The following PIK3C2G variants were observed in gnomAD, a reference collection of about 807,000 sequenced individuals.
The protein encoded by PIK3C2G is phosphatidylinositol 3-kinase C2 domain-containing subunit gamma.
In PIK3C2G, 168 loss-of-function variants were observed where a neutral mutation model predicts 181.1. That is an observed-to-expected ratio of 0.93 (90% CI 0.82 to 1.05). PIK3C2G has a LOEUF of 1.05. Ranked by LOEUF, PIK3C2G falls within the 50% of genes least tolerant of loss-of-function variation. The pLI, the probability that PIK3C2G is intolerant of heterozygous loss-of-function variation, is 0.00. For synonymous variants in PIK3C2G, 573 were observed against 592.2 expected (o/e 0.97, Z 0.47); for missense variants, 1,869 against 1,732.8 (o/e 1.08, Z -1.40).
intron 18 of PIK3C2G, among the ~76,000 whole-genome samples, chr12:18,451,541 C>G (rs1947361532): frequency 6.6e-6 from 1 of 152,176 alleles, no homozygotes; most frequent in Non-Finnish European, 1.5e-5. Flanking sequence ...TTGACTTCCT[C>G]TCTTCCTATT....
At chr12:18,628,595 A>T (rs909102166) in intron 31 of PIK3C2G, among the ~76,000 whole-genome samples, 1 of 152,218 alleles carries the variant, frequency 6.6e-6, no homozygotes, top group Non-Finnish European at 1.5e-5. Context: ...AATTACTAAT[A>T]TGCATCATAG....
chr12:18,268,241 G>A (rs533929444), intron 1 of PIK3C2G, among the ~76,000 whole-genome samples: 4 of 152,192 alleles, frequency 2.6e-5, no homozygotes, highest in African/African-American at 4.8e-5. Flanking sequence ...GTGAGTCTTT[G>A]TGGCTGGTAA....
the PIK3C2G span, among the ~76,000 whole-genome samples, chr12:18,675,982 G>C: frequency 6.6e-6 from 1 of 151,592 alleles, no homozygotes; most frequent in African/African-American, 2.4e-5. Context: ...CAGGTAACAA[G>C]CCTGAACATA....
chr12:18,647,394 G>A (rs1351013207), intron 32 of PIK3C2G, among the ~76,000 whole-genome samples: 1 of 150,258 alleles, frequency 6.7e-6, no homozygotes, highest in Non-Finnish European at 1.5e-5. Context: ...CCAAACCACA[G>A]CATCATGCAA....
chr12:18,610,293 C>T (rs1366473217), intron 31 of PIK3C2G, among the ~76,000 whole-genome samples: 1 of 152,108 alleles, frequency 6.6e-6, no homozygotes, highest in African/African-American at 2.4e-5. Flanking sequence ...CGTGGTATAA[C>T]TTCCCAGGAG....
chr12:18,306,652 AG>A (rs1950433368), intron 5 of PIK3C2G, among the ~76,000 whole-genome samples: 1 of 152,090 alleles, frequency 6.6e-6, no homozygotes, highest in African/African-American at 2.4e-5. Context: ...ACATGTGCCA[AG>A]TGTGCACATA....
At chr12:18,693,461 G>A in the PIK3C2G span, 1 of 1,606,226 alleles carries the variant, frequency 6.2e-7, no homozygotes, top group East Asian at 2.2e-5. Flanking sequence ...TGGTCCACCT[G>A]GCACAGGTAA....
the PIK3C2G span, among the ~76,000 whole-genome samples, chr12:18,679,365 T>G: frequency 6.6e-6 from 1 of 152,070 alleles, no homozygotes; most frequent in South Asian, 2.1e-4. Context: ...AAACCTTTGC[T>G]TATCCCAAGA....
intron 1 of PIK3C2G, among the ~76,000 whole-genome samples, chr12:18,274,583 T>G (rs377113634): frequency 6.6e-6 from 1 of 151,896 alleles, no homozygotes; most frequent in Non-Finnish European, 1.5e-5. Context: ...TGTTCTCACT[T>G]ATAGGTGGGA....
the PIK3C2G span, among the ~76,000 whole-genome samples, chr12:18,710,107 C>T: frequency 6.6e-6 from 1 of 150,706 alleles, no homozygotes; most frequent in Non-Finnish European, 1.5e-5. Flanking sequence ...TGCAAATAAA[C>T]ATAATGTTGC....
At chr12:18,280,965 C>CTCTGGAT (rs1230827579) in intron 1 of PIK3C2G, among the ~76,000 whole-genome samples, 1 of 151,936 alleles carries the variant, frequency 6.6e-6, no homozygotes, top group East Asian at 1.9e-4. Flanking sequence ...AAAGGTGAAA[C>CTCTGGAT]TCTGGTTTCT....
chr12:18,559,811 TATATATATATAGAG>T (rs1459159728), intron 26 of PIK3C2G, among the ~76,000 whole-genome samples: 52 of 32,518 alleles, frequency 1.6e-3, no homozygotes, highest in African/African-American at 1.9e-3. Context: ...TATATATATA[TATATATATATAGAG>T]AGAGAGAGAG....
intron 29 of PIK3C2G, among the ~76,000 whole-genome samples, chr12:18,581,190 G>A (rs545562091): frequency 6.6e-6 from 1 of 152,216 alleles, no homozygotes; most frequent in African/African-American, 2.4e-5. Context: ...ACTGTAAACT[G>A]ATGAAGATTT....
intron 16 of PIK3C2G, 129 bp from the exon 17 acceptor site, chr12:18,420,812 T>C: frequency 1.8e-6 from 1 of 570,996 alleles, no homozygotes; most frequent in Non-Finnish European, 3.2e-6. Context: ...AATATTACCT[T>C]AATCGATTGT....
intron 19 of PIK3C2G, 118 bp downstream of exon 19, chr12:18,488,747 A>G (rs1940288493): frequency 1.7e-6 from 1 of 578,762 alleles, no homozygotes; most frequent in African/African-American, 1.9e-5. Flanking sequence ...AGATACTTAA[A>G]TCAATTACTT....
chr12:18,457,431 C>A (rs947416132), intron 18 of PIK3C2G, among the ~76,000 whole-genome samples: 4 of 152,056 alleles, frequency 2.6e-5, no homozygotes, highest in African/African-American at 9.7e-5. Context: ...TGTAGACAAC[C>A]AAAAATATAG....
At chr12:18,502,060 A>C (rs1367486988) in intron 22 of PIK3C2G, among the ~76,000 whole-genome samples, 1 of 152,226 alleles carries the variant, frequency 6.6e-6, no homozygotes, top group East Asian at 1.9e-4. Context: ...ACACATGAGA[A>C]AACCTGGGCA....
intron 18 of PIK3C2G, among the ~76,000 whole-genome samples, chr12:18,433,845 A>G (rs1243100358): frequency 6.6e-6 from 1 of 152,164 alleles, no homozygotes; most frequent in Non-Finnish European, 1.5e-5. Flanking sequence ...TTTCCTTCCA[A>G]CTAAAAATAC....
At chr12:18,351,850 T>C (rs1393125597) in intron 11 of PIK3C2G, among the ~76,000 whole-genome samples, 1 of 152,198 alleles carries the variant, frequency 6.6e-6, no homozygotes, top group African/African-American at 2.4e-5. Flanking sequence ...TGAGGCATTA[T>C]TGACAACCAC....
Sources: allele counts gnomAD v4.1 joint callset (sites outside exome capture counted in the v4.1 genomes callset), GRCh38; gene constraint gnomAD v4.1.1; transcripts MANE v1.5; gene names NCBI Gene and HGNC (gene_info 2026-07-23, HGNC 2026-07-21).